Variants in ADAMTS16 observed in about 807,000 individuals in gnomAD.
ADAMTS16 encodes A disintegrin and metalloproteinase with thrombospondin motifs 16.
In ADAMTS16, 94 loss-of-function variants were observed where a neutral mutation model predicts 145.8. That is an observed-to-expected ratio of 0.64 (90% CI 0.55 to 0.77). The LOEUF is 0.77. Among genes scored for constraint, ADAMTS16 ranks in the 30% least tolerant of loss-of-function variants. The pLI is 0.00. For missense variants in ADAMTS16, 1,585 were observed against 1,591.5 expected, an observed-to-expected ratio of 1.00 and a Z score of 0.07; for synonymous variants, 659 against 604.3, an observed-to-expected ratio of 1.09 and a Z score of -1.33.
intron 11 of ADAMTS16, among the ~76,000 whole-genome samples, chr5:5,224,168 T>A (rs1043499342): frequency 2.0e-5 from 3 of 152,172 alleles, no homozygotes; most frequent in African/African-American, 7.2e-5. Flanking sequence ...TGCTTTTTTT[T>A]TCAGTTCCTC....
At chr5:5,249,997 G>A (rs1042608774) in intron 17 of ADAMTS16, among the ~76,000 whole-genome samples, 3 of 152,092 alleles carry the variant, frequency 2.0e-5, no homozygotes, top group African/African-American at 4.8e-5. Context: ...TCCAACCATA[G>A]TCTCCAATGT....
At chr5:5,283,584 C>A (rs1739001603) in intron 18 of ADAMTS16, among the ~76,000 whole-genome samples, 1 of 151,916 alleles carries the variant, frequency 6.6e-6, no homozygotes, top group African/African-American at 2.4e-5. Flanking sequence ...CACACAGGAT[C>A]CTGGGCTCAA....
rs1482982607 is a variant in ADAMTS16, at chr5:5,186,328, G to GTA, written c.963+78_963+79insAT. 8.5e-5 allele frequency: 113 copies of GTA among 1,337,196 alleles called. 1 individual carries two copies. In the African/African-American group the frequency reaches 1.5e-3, roughly 18 times the overall value. The allele number at this position is 1,337,196 out of a possible 1,614,324, so 82.8% of individuals were successfully genotyped here. A position where few individuals can be genotyped will look rare whatever the true frequency, so the allele number is the denominator to read the frequency against. On this transcript the variant is annotated intron_variant, in intron 5 of 22. Transcript: ENST00000274181. ...TGTGTGTGTGTGTGTGTGTGTGTGT[G>GTA]TGTGTGTTTCCATTTTACTTGTTAC...
At chr5:5,228,481 A>G (rs767514658) in intron 11 of ADAMTS16, among the ~76,000 whole-genome samples, 6 of 152,154 alleles carry the variant, frequency 3.9e-5, no homozygotes, top group Non-Finnish European at 2.9e-5. Flanking sequence ...ATTTCTAAGA[A>G]CTAATGAAGT....
chr5:5,305,119 ACAC>A (rs1740021024), intron 20 of ADAMTS16, among the ~76,000 whole-genome samples: 1 of 55,684 alleles, frequency 1.8e-5, no homozygotes. Flanking sequence ...CACCACACAC[ACAC>A]CCCACACCAC....
chr5:5,261,901 T>C (rs758893150), intron 17 of ADAMTS16, among the ~76,000 whole-genome samples: 1 of 152,206 alleles, frequency 6.6e-6, no homozygotes, highest in Non-Finnish European at 1.5e-5. Context: ...ATGGAAACTT[T>C]CTGTCCATTA....
At chr5:5,174,542 A>ATC (rs1178006042) in intron 3 of ADAMTS16, among the ~76,000 whole-genome samples, 3 of 151,880 alleles carry the variant, frequency 2.0e-5, no homozygotes, top group East Asian at 3.9e-4. Context: ...TAAACTTTCC[A>ATC]TCTCTCTCTC....
At chr5:5,291,169 A>T (rs79622860) in intron 18 of ADAMTS16, among the ~76,000 whole-genome samples, 1 of 152,188 alleles carries the variant, frequency 6.6e-6, no homozygotes, top group Non-Finnish European at 1.5e-5. Flanking sequence ...GAGGCAATAC[A>T]ACAAAATTAA....
rs554947869 is a variant in ADAMTS16 at position 5,167,857 on chromosome 5, G to T, written c.502-14187G>T. On this transcript the variant is annotated intron_variant, in intron 3 of 22. Coordinates refer to ENST00000274181, the MANE Select transcript of ADAMTS16 (RefSeq NM_139056.4). Reference sequence around the variant, plus strand: ...AAGGCCTAAACGTTAAATTTTATTTGATTTTAATTTATTTAAACTTAAATT... The same window carrying T: ...AAGGCCTAAACGTTAAATTTTATTTTATTTTAATTTATTTAAACTTAAATT... Among the ~76,000 whole-genome samples the T allele has an allele frequency of 2.2e-4, 34 of 152,272 alleles. No individual in the cohort carries two copies. The South Asian group carries it at 6.8e-3, about 31-fold the overall frequency.
chr5:5,168,579 T>C (rs1734947925), intron 3 of ADAMTS16, among the ~76,000 whole-genome samples: 2 of 85,662 alleles, frequency 2.3e-5, no homozygotes, highest in Non-Finnish European at 4.8e-5. Flanking sequence ...TATTATTATA[T>C]ATATTATATT....
rs528741620 is a variant in ADAMTS16 at position 5,319,749 on chromosome 5, A to T, written c.*611A>T. 98 of 414,160 alleles carry T rather than the reference A, an allele frequency of 2.4e-4. No homozygotes were observed. The highest frequency in any genetic ancestry group is 2.0e-3 in the African/African-American group (96 of 48,322). 25.7% of individuals were successfully genotyped at this position (414,160 alleles called of 1,614,324 possible). A position where few individuals can be genotyped will look rare whatever the true frequency, so the allele number is the denominator to read the frequency against. On this transcript the variant is annotated 3_prime_UTR_variant, in exon 23 of 23. Transcript: ENST00000274181. ...AGCGTCATCTCTAGGGTCACTGGCC[A>T]GGGGACTGCATTCTGGTTTGGGACT... is the stretch of plus-strand genomic sequence containing the variant.
At chr5:5,297,115 A>G (rs1460388990) in intron 18 of ADAMTS16, among the ~76,000 whole-genome samples, 1 of 152,214 alleles carries the variant, frequency 6.6e-6, no homozygotes, top group Non-Finnish European at 1.5e-5. Context: ...CAGTCTCCAC[A>G]CACATAAGAC....
chr5:5,274,683 T>TAC (rs150006413), intron 18 of ADAMTS16, among the ~76,000 whole-genome samples: 3,229 of 142,352 alleles, frequency 0.023, 106 homozygotes, highest in African/African-American at 0.077. Context: ...TGTATATATA[T>TAC]ACATATATAC....
intron 18 of ADAMTS16, among the ~76,000 whole-genome samples, chr5:5,296,034 C>A (rs115904011): frequency 6.6e-6 from 1 of 152,198 alleles, no homozygotes; most frequent in Non-Finnish European, 1.5e-5. Context: ...CTTGCAAGAA[C>A]GTTAATATTG....
At chr5:5,293,734 C>T (rs1215241169) in intron 18 of ADAMTS16, among the ~76,000 whole-genome samples, 2 of 152,232 alleles carry the variant, frequency 1.3e-5, no homozygotes, top group Non-Finnish European at 2.9e-5. Flanking sequence ...TAGGGCAAGA[C>T]TGCCAAATTG....
chr5:5,181,138 A>C (rs529963478), intron 3 of ADAMTS16, among the ~76,000 whole-genome samples: 1 of 152,334 alleles, frequency 6.6e-6, no homozygotes, highest in East Asian at 1.9e-4. Flanking sequence ...ATATTGAAGA[A>C]ATTCTTACAA....
rs777995259 is a variant in ADAMTS16 at position 5,242,176 on chromosome 5, G to A, written c.2647G>A (p.Val883Met). 6.3e-5 allele frequency: 102 copies of A among 1,613,804 alleles called. No homozygotes were observed. The highest frequency in any genetic ancestry group is 7.6e-5 in the Non-Finnish European group (90 of 1,180,012). ...GGCCATCGTGCGCTCTGAGTGCTCC[G>A]TGTCCTGCGGAGGGGGTAGGTGCCT... ...TWAIVRSECS[V>M]SCGGGQMTVR... Residue 883 changes from valine to methionine, a missense_variant, in exon 17 of 23, where the codon GTG (valine) becomes ATG (methionine). Physicochemically the swap from Val to Met is conservative, Grantham distance 21. This residue lies in a region of ADAMTS16 where 834 missense variants were observed against 811.7 expected (regional missense o/e 1.03). Coordinates refer to ENST00000274181, the MANE Select transcript of ADAMTS16 (RefSeq NM_139056.4).
intron 18 of ADAMTS16, among the ~76,000 whole-genome samples, chr5:5,289,553 G>T (rs937756769): frequency 1.3e-5 from 2 of 152,248 alleles, no homozygotes; most frequent in Admixed American, 6.5e-5. Context: ...GGTCTATCTT[G>T]TAAGGTGTCT....
chr5:5,194,979 G>A (rs1340700394), intron 8 of ADAMTS16, among the ~76,000 whole-genome samples: 2 of 152,130 alleles, frequency 1.3e-5, no homozygotes, highest in Non-Finnish European at 2.9e-5. Flanking sequence ...GCAACTCATA[G>A]GTTTCTAACC....
Sources: allele counts gnomAD v4.1 joint callset (sites outside exome capture counted in the v4.1 genomes callset), GRCh38; gene constraint gnomAD v4.1.1; regional missense constraint gnomAD v4.1.1; transcripts MANE v1.5; gene names NCBI Gene and HGNC (gene_info 2026-07-23, HGNC 2026-07-21).